Variants in SUGCT observed in about 807,000 individuals in gnomAD.
SUGCT encodes succinyl-CoA:glutarate CoA-transferase.
Under a neutral mutation model 55.0 loss-of-function variants are expected in SUGCT, and 41 were observed. The ratio of observed to expected loss-of-function variants is 0.74; its 90% CI spans 0.58 to 0.97. The LOEUF is 0.97. Among genes scored for constraint, SUGCT ranks in the 50% least tolerant of loss-of-function variants. The probability of loss-of-function intolerance (pLI) is 0.00; values close to 1 mark genes in which losing one functional copy is unlikely to be tolerated. For missense variants in SUGCT, 568 were observed against 547.8 expected (o/e 1.04, Z -0.37); for synonymous variants, 187 against 200.4 (o/e 0.93, Z 0.56).
intron 7 of SUGCT, among the ~76,000 whole-genome samples, chr7:40,263,766 TAC>T (rs540006633): frequency 1.6e-3 from 246 of 152,324 alleles, no homozygotes; most frequent in Middle Eastern, 0.01. Context: ...ATCACTTTGT[TAC>T]ATTTTCCCTT....
intron 12 of SUGCT, chr7:40,683,926 T>G: frequency 7.5e-7 from 1 of 1,332,856 alleles, no homozygotes; most frequent in Non-Finnish European, 1.0e-6. Context: ...ATCAAGGTGC[T>G]GGCAGATGTA....
chr7:40,419,795 T>G (rs1370138083), intron 9 of SUGCT, among the ~76,000 whole-genome samples: 1 of 152,220 alleles, frequency 6.6e-6, no homozygotes, highest in African/African-American at 2.4e-5. Flanking sequence ...TTCTTTGTTT[T>G]GTCTGCAGTA....
At chr7:40,471,017 A>G (rs940694947) in intron 11 of SUGCT, among the ~76,000 whole-genome samples, 2 of 152,136 alleles carry the variant, frequency 1.3e-5, no homozygotes, top group African/African-American at 4.8e-5. Flanking sequence ...AGGAACATCA[A>G]AATGCTGGCC....
intron 12 of SUGCT, among the ~76,000 whole-genome samples, chr7:40,736,027 A>C (rs1161273348): frequency 6.6e-6 from 1 of 151,904 alleles, no homozygotes; most frequent in Non-Finnish European, 1.5e-5. Context: ...GATTAGATAG[A>C]AGAGAGAATT....
chr7:40,190,407 A>G (rs927774345), intron 5 of SUGCT, among the ~76,000 whole-genome samples: 1 of 151,908 alleles, frequency 6.6e-6, no homozygotes, highest in Admixed American at 6.6e-5. Flanking sequence ...GCACTAGCAC[A>G]CCTGGCTAAT....
chr7:40,400,333 C>A (rs934608588), intron 9 of SUGCT, among the ~76,000 whole-genome samples: 1 of 152,088 alleles, frequency 6.6e-6, no homozygotes, highest in Non-Finnish European at 1.5e-5. Context: ...CCAAGCTGTA[C>A]AAGAAGCATG....
At chr7:40,591,899 C>A (rs1451363918) in intron 12 of SUGCT, among the ~76,000 whole-genome samples, 2 of 152,168 alleles carry the variant, frequency 1.3e-5, no homozygotes, top group East Asian at 3.8e-4. Context: ...ATTATATGCA[C>A]TGGAAACCAC....
intron 13 of SUGCT, among the ~76,000 whole-genome samples, chr7:40,859,072 G>A (rs867031733): frequency 1.3e-5 from 2 of 152,138 alleles, no homozygotes; most frequent in Middle Eastern, 3.4e-3. Context: ...CTCAAATCAA[G>A]AGAAAGCCAG....
intron 12 of SUGCT, among the ~76,000 whole-genome samples, chr7:40,731,330 T>C (rs1274765758): frequency 6.6e-6 from 1 of 152,174 alleles, no homozygotes; most frequent in Non-Finnish European, 1.5e-5. Context: ...TCTCATCTGA[T>C]TAGTGGCAGA....
the SUGCT span, among the ~76,000 whole-genome samples, chr7:40,872,130 C>T: frequency 2.0e-5 from 3 of 152,184 alleles, no homozygotes; most frequent in South Asian, 6.2e-4. Context: ...ACAGCAAAAA[C>T]TCAGCCTAAA....
chr7:41,014,802 T>C, the SUGCT span, among the ~76,000 whole-genome samples: 1 of 152,210 alleles, frequency 6.6e-6, no homozygotes, highest in African/African-American at 2.4e-5. Flanking sequence ...TGTTATTAGA[T>C]TTATTTTACC....
chr7:40,900,035 A>AC, the SUGCT span, among the ~76,000 whole-genome samples: 1 of 151,384 alleles, frequency 6.6e-6, no homozygotes, highest in Admixed American at 6.6e-5. Context: ...TAGCACAAGG[A>AC]CCCCCACCTC....
intron 9 of SUGCT, among the ~76,000 whole-genome samples, chr7:40,408,977 C>G (rs922014198): frequency 6.6e-6 from 1 of 152,128 alleles, no homozygotes; most frequent in Non-Finnish European, 1.5e-5. Context: ...TTTTTTGAGA[C>G]AGCATCTTGC....
the SUGCT span, among the ~76,000 whole-genome samples, chr7:40,904,767 T>C: frequency 6.6e-6 from 1 of 152,192 alleles, no homozygotes; most frequent in Non-Finnish European, 1.5e-5. Flanking sequence ...GATGGAGATT[T>C]AGGTTTAGGG....
At chr7:40,507,240 C>T (rs1363836765) in intron 12 of SUGCT, among the ~76,000 whole-genome samples, 1 of 152,152 alleles carries the variant, frequency 6.6e-6, no homozygotes, top group Non-Finnish European at 1.5e-5. Flanking sequence ...ACCAGTTCTG[C>T]GAAATGTTCC....
intron 12 of SUGCT, among the ~76,000 whole-genome samples, chr7:40,522,347 T>G (rs1215208122): frequency 6.6e-6 from 1 of 152,142 alleles, no homozygotes; most frequent in African/African-American, 2.4e-5. Flanking sequence ...AAGCCCTTTC[T>G]CTAAGTTTCT....
chr7:40,418,926 C>T (rs1363526476), intron 9 of SUGCT, among the ~76,000 whole-genome samples: 1 of 152,184 alleles, frequency 6.6e-6, no homozygotes, highest in East Asian at 1.9e-4. Flanking sequence ...TTGTAACCAG[C>T]ATTTTAATAT....
chr7:40,967,674 G>A, the SUGCT span, among the ~76,000 whole-genome samples: 2 of 151,406 alleles, frequency 1.3e-5, no homozygotes, highest in African/African-American at 4.9e-5. Flanking sequence ...AGGCTGGAGT[G>A]CAGTGGTGCG....
the SUGCT span, among the ~76,000 whole-genome samples, chr7:40,908,128 C>G: frequency 6.6e-6 from 1 of 151,702 alleles, no homozygotes; most frequent in Non-Finnish European, 1.5e-5. Flanking sequence ...CCTGTAACCC[C>G]GGCACTTTGG....
Sources: allele counts gnomAD v4.1 joint callset (sites outside exome capture counted in the v4.1 genomes callset), GRCh38; gene constraint gnomAD v4.1.1; transcripts MANE v1.5; gene names NCBI Gene and HGNC (gene_info 2026-07-23, HGNC 2026-07-21).